Variants in DOT1L observed in about 807,000 individuals in gnomAD.
DOT1L encodes histone-lysine N-methyltransferase, H3 lysine-79 specific.
DOT1L carries 33 observed loss-of-function variants against 153.3 expected under a neutral mutation model. The observed-to-expected ratio is 0.22, with a 90% confidence interval of 0.16 to 0.29. The LOEUF (loss-of-function observed/expected upper bound fraction) is 0.29, where lower values mean the gene tolerates loss of function less well. Among genes scored for constraint, DOT1L ranks in the 10% least tolerant of loss-of-function variants. DOT1L has a pLI of 1.00. For synonymous variants in DOT1L, 1,135 were observed against 965.1 expected, an observed-to-expected ratio of 1.18 and a Z score of -3.26; for missense variants, 1,847 against 2,119.9, an observed-to-expected ratio of 0.87 and a Z score of 2.53.
At position 2,193,670 on chromosome 19, in the gene DOT1L, T is replaced by G; in HGVS notation, c.494-19T>G. The G allele has an allele frequency of 6.2e-7, 1 of 1,612,730 alleles. No individual in the cohort carries two copies. The highest frequency in any genetic ancestry group is 8.5e-7 in the Non-Finnish European group (1 of 1,178,852). On this transcript the variant is annotated intron_variant, in intron 5 of 27. Transcript: ENST00000398665. This position sits in a 1 kb window ranked among gnomAD's most constrained non-coding sequence, Gnocchi z 5.9. Reference sequence around the variant, plus strand: ...CATCTGAGCGCTGTGTGGTATCTGATGGATCTCTCTGATCATAGGTGTGGG... The same window carrying G: ...CATCTGAGCGCTGTGTGGTATCTGAGGGATCTCTCTGATCATAGGTGTGGG...
intron 1 of DOT1L, among the ~76,000 whole-genome samples, chr19:2,169,932 A>G (rs1256783878): frequency 6.6e-6 from 1 of 152,220 alleles, no homozygotes; most frequent in South Asian, 2.1e-4. Flanking sequence ...CAAGGCGGGC[A>G]GATCACCTGC....
chr19:2,224,650 T>C (rs910963133), intron 25 of DOT1L, among the ~76,000 whole-genome samples: 8 of 152,044 alleles, frequency 5.3e-5, no homozygotes, highest in African/African-American at 1.9e-4. Context: ...TTTTGTTTTA[T>C]AGAGATCGGG....
intron 7 of DOT1L, among the ~76,000 whole-genome samples, chr19:2,195,276 C>T (rs898578769): frequency 2.6e-5 from 4 of 152,128 alleles, no homozygotes; most frequent in South Asian, 2.1e-4. Flanking sequence ...TCCCACCCCA[C>T]GCTGAGTCCT....
At position 2,222,414 on chromosome 19, in the gene DOT1L, A is replaced by T; in HGVS notation, c.3245A>T (p.Asp1082Val). 1 of 1,610,890 alleles carries T rather than the reference A, an allele frequency of 6.2e-7. No individual in the cohort carries two copies. The highest frequency in any genetic ancestry group is 8.5e-7 in the Non-Finnish European group (1 of 1,178,966). ...RGDCVPSHGQ[D>V]SRRRGRRKRA... ...GACTGTGTGCCGAGCCACGGGCAGG[A>T]CAGTCGCAGGCGCGGCCGGCGGAAG... The change falls in exon 24 of 28, where the codon GAC becomes GTC. Residue 1082 changes from aspartate to valine, a missense_variant. Physicochemically the swap from Asp to Val is radical, Grantham distance 152 (BLOSUM62 -3). Transcript: ENST00000398665. The surrounding 1 kb of genome is among the most constrained non-coding windows in gnomAD (Gnocchi z 6.5).
At chr19:2,183,397 C>T (rs1385087825) in intron 2 of DOT1L, among the ~76,000 whole-genome samples, 2 of 152,218 alleles carry the variant, frequency 1.3e-5, no homozygotes, top group African/African-American at 2.4e-5. Flanking sequence ...TCTCAAACTC[C>T]TGGCCTCAAG....
At chr19:2,178,966 C>G (rs138808541) in intron 1 of DOT1L, among the ~76,000 whole-genome samples, 1 of 152,190 alleles carries the variant, frequency 6.6e-6, no homozygotes, top group Non-Finnish European at 1.5e-5. Flanking sequence ...AGGAGGTGGA[C>G]GGAGCTGTGG....
At chr19:2,229,697 G>A (rs1056515138) in intron 27 of DOT1L, 88 bp from the exon 28 acceptor site, 1 of 1,607,690 alleles carries the variant, frequency 6.2e-7, no homozygotes, top group Non-Finnish European at 8.5e-7. Flanking sequence ...GCTCGTGGGA[G>A]GCCTCGGTCC....
Position 2,230,850 on chromosome 19 carries a change from GGCGCCCCTGCCT to G in DOT1L, c.*1061_*1072del, listed in dbSNP as rs1393943639. Reference sequence around the variant, plus strand: ...TCCCAGCAGCCCAGACAGAGCTGCCGGCGCCCCTGCCTGCCCCACATCCCTTCCTGTCAGGGC... The same window carrying G: ...TCCCAGCAGCCCAGACAGAGCTGCCGGCCCCACATCCCTTCCTGTCAGGGC... On this transcript the variant is annotated 3_prime_UTR_variant, in exon 28 of 28. Coordinates refer to ENST00000398665, the MANE Select transcript of DOT1L (RefSeq NM_032482.3). 1 of 352,732 alleles carries G rather than the reference GGCGCCCCTGCCT, an allele frequency of 2.8e-6. No individual in the cohort carries two copies. The highest frequency in any genetic ancestry group is 5.1e-6 in the Non-Finnish European group (1 of 197,258). The allele number at this position is 352,732 out of a possible 1,614,324, so 21.9% of individuals were successfully genotyped here.
chr19:2,189,210 G>A (rs9676420), intron 3 of DOT1L, among the ~76,000 whole-genome samples: 4,087 of 152,344 alleles, frequency 0.027, 89 homozygotes, highest in South Asian at 0.047. Context: ...TCACAGAGCA[G>A]TGTGGGTGGG....
At chr19:2,189,134 C>G (rs552116551) in intron 3 of DOT1L, among the ~76,000 whole-genome samples, 2 of 152,132 alleles carry the variant, frequency 1.3e-5, no homozygotes, top group Non-Finnish European at 2.9e-5. Context: ...ACACTGCTGA[C>G]GTGACACACT....
intron 1 of DOT1L, among the ~76,000 whole-genome samples, chr19:2,165,098 T>C (rs1237210613): frequency 6.6e-6 from 1 of 152,172 alleles, no homozygotes; most frequent in African/African-American, 2.4e-5. Context: ...AGTCCCGGCG[T>C]GGCCCCTGAG....
chr19:2,222,290 G>A lies in DOT1L; in HGVS notation c.3121G>A (p.Ala1041Thr), dbSNP rs773191442. The change falls in exon 24 of 28, where the codon GCC (alanine) becomes ACC (threonine). Residue 1041 changes from alanine to threonine, a missense_variant. Transcript: ENST00000398665. This position sits in a 1 kb window ranked among gnomAD's most constrained non-coding sequence, Gnocchi z 6.5. The part of the protein sequence containing the change: ...DSGFSDPESE[A>T]KRRIVFTITT... ...CGGCTTCTCAGATCCTGAGAGTGAA[G>A]CCAAGAGGAGGATTGTGTTCACCAT... 3 of 1,613,108 alleles carry A rather than the reference G, an allele frequency of 1.9e-6. No individual in the cohort carries two copies. Among genetic ancestry groups the A allele is most frequent in the South Asian group, 2.2e-5 (2 of 91,088 alleles).
intron 23 of DOT1L, 65 bp from the exon 24 acceptor site, chr19:2,221,911 C>T: frequency 2.7e-6 from 4 of 1,470,950 alleles, no homozygotes; most frequent in Non-Finnish European, 3.6e-6. Context: ...GGGTGGTGCT[C>T]CCACAGCAAG....
intron 8 of DOT1L, among the ~76,000 whole-genome samples, chr19:2,202,131 G>A (rs1328081244): frequency 2.0e-5 from 3 of 152,214 alleles, no homozygotes; most frequent in East Asian, 3.8e-4. Context: ...TGGGGAACAC[G>A]GGCAGCCCAA....
In DOT1L at chr19:2,213,388, T is replaced by A. The variant is rs571454296; in HGVS notation, c.1558-151T>A. On this transcript the variant is annotated intron_variant, in intron 16 of 27. Transcript: ENST00000398665. Reference sequence around the variant, plus strand: ...TCCCCTCCCGCCGTGGCCTGAGTATTTCTTGACATCTCAGCCCGGTGTGGG... The same window carrying A: ...TCCCCTCCCGCCGTGGCCTGAGTATATCTTGACATCTCAGCCCGGTGTGGG... 1.7e-5 allele frequency: 12 copies of A among 709,134 alleles called. No individual in the cohort carries two copies. In the African/African-American group the frequency reaches 2.2e-4, roughly 13 times the overall value. The allele number at this position is 709,134 out of a possible 1,614,324, so 43.9% of individuals were successfully genotyped here.
chr19:2,216,017 C>T (rs550271330), intron 19 of DOT1L: 23 of 457,676 alleles, frequency 5.0e-5, no homozygotes, highest in Middle Eastern at 1.1e-3. Flanking sequence ...TTTTGAGAGA[C>T]GAGAGCTCTT....
chr19:2,193,664 A>G lies in DOT1L; in HGVS notation c.494-25A>G, dbSNP rs770583093. On this transcript the variant is annotated intron_variant, in intron 5 of 27. Coordinates refer to ENST00000398665, the MANE Select transcript of DOT1L (RefSeq NM_032482.3). This position sits in a 1 kb window ranked among gnomAD's most constrained non-coding sequence, Gnocchi z 5.9. Reference sequence around the variant, plus strand: ...GGGTGGCATCTGAGCGCTGTGTGGTATCTGATGGATCTCTCTGATCATAGG... The same window carrying G: ...GGGTGGCATCTGAGCGCTGTGTGGTGTCTGATGGATCTCTCTGATCATAGG... 6.8e-6 allele frequency: 11 copies of G among 1,611,226 alleles called. No individual in the cohort carries two copies. The highest frequency in any genetic ancestry group is 5.0e-5 in the Admixed American group (3 of 59,900).
chr19:2,228,781 G>A (rs2024478047), intron 27 of DOT1L: 1 of 985,288 alleles, frequency 1.0e-6, no homozygotes, highest in Admixed American at 6.1e-5. Flanking sequence ...GCGTGGCTTG[G>A]TGCTGTTCCC....
Position 2,197,421 on chromosome 19 carries a change from C to T in DOT1L, c.652-2463C>T, listed in dbSNP as rs933505838. Among the ~76,000 whole-genome samples, 1 of 152,212 alleles carries T rather than the reference C, an allele frequency of 6.6e-6. No homozygotes were observed. Among genetic ancestry groups the T allele is most frequent in the African/African-American group, 2.4e-5 (1 of 41,456 alleles). On this transcript the variant is annotated intron_variant, in intron 7 of 27. Transcript: ENST00000398665. This position sits in a 1 kb window ranked among gnomAD's most constrained non-coding sequence, Gnocchi z 4.1. Reference sequence around the variant, plus strand: ...TTCCCAGCGATGGCCAGGAGGGCGCCATGGTGCCTTCCTCCGCGCGGTCTG... The same window carrying T: ...TTCCCAGCGATGGCCAGGAGGGCGCTATGGTGCCTTCCTCCGCGCGGTCTG...
Sources: gnomAD v4.1 joint callset for allele counts (sites outside exome capture counted in the v4.1 genomes callset) on GRCh38, gnomAD v4.1.1 for gene constraint, Gnocchi (gnomAD v3.1) non-coding constraint, MANE v1.5 for transcripts, NCBI Gene and HGNC (gene_info 2026-07-23, HGNC 2026-07-21) for gene names.